SF3A1: variants seen among roughly 807,000 people sequenced by gnomAD.
SF3A1 encodes SAP 114.
Under a neutral mutation model 89.9 loss-of-function variants are expected in SF3A1, and 13 were observed. The observed-to-expected ratio is 0.14, with a 90% CI of 0.09 to 0.23. The LOEUF (loss-of-function observed/expected upper bound fraction) is 0.23, where lower values mean the gene tolerates loss of function less well. Ranked by LOEUF, SF3A1 falls within the 10% of genes least tolerant of loss-of-function variation. SF3A1 has a pLI of 1.00. For synonymous variants in SF3A1, 405 were observed against 374.4 expected (o/e 1.08, Z -0.94); for missense variants, 604 against 1,022.1 (o/e 0.59, Z 5.58).
Position 30,356,846 on chromosome 22 carries a change from C to CT in SF3A1, c.-55dup. On this transcript the variant is annotated 5_prime_UTR_variant, in exon 1 of 16. Transcript: ENST00000215793. ...CCTCGGTGTCGGTGAGCGGTGCCGC[C>CT]TCAAGACAGCCTCCCCGCTCGGTCA... 1 of 1,272,274 alleles carries CT rather than the reference C, an allele frequency of 7.9e-7. No individual in the cohort carries two copies. The highest frequency in any genetic ancestry group is 1.0e-6 in the Non-Finnish European group (1 of 998,954). 78.8% of individuals were successfully genotyped at this position (1,272,274 alleles called of 1,614,324 possible).
At chr22:30,350,183 G>A (rs1601699737) in intron 2 of SF3A1, among the ~76,000 whole-genome samples, 1 of 152,002 alleles carries the variant, frequency 6.6e-6, no homozygotes, top group Non-Finnish European at 1.5e-5. Flanking sequence ...CAGGCCAGGT[G>A]CGGTGGTCAC....
At chr22:30,350,212 C>T (rs1931544305) in intron 2 of SF3A1, among the ~76,000 whole-genome samples, 1 of 151,650 alleles carries the variant, frequency 6.6e-6, no homozygotes, top group South Asian at 2.1e-4. Flanking sequence ...ATCCCAGCCA[C>T]CTTGTGGTGG....
chr22:30,337,949 G>T, intron 11 of SF3A1, 52 bp from the exon 12 acceptor site: 1 of 1,346,950 alleles, frequency 7.4e-7, no homozygotes, highest in Non-Finnish European at 1.0e-6. Context: ...TGGACTCCAA[G>T]GTCACACACA....
In SF3A1 at chr22:30,345,080, C is replaced by T. The variant is rs1263698611; in HGVS notation, c.504G>A (p.Lys168=). 2 of 1,614,236 alleles carry T rather than the reference C, an allele frequency of 1.2e-6. No individual in the cohort carries two copies. The highest frequency in any genetic ancestry group is 1.7e-6 in the Non-Finnish European group (2 of 1,180,052). ...SISAFDLDVV[K]LTAQFVARNG... ...TCCTGGCCACAAACTGAGCCGTCAG[C>T]TTCACCACATCCAAGTCGAAGGCTG... is the stretch of plus-strand genomic sequence containing the variant. Residue 168 remains lysine (K), a synonymous_variant, in exon 4 of 16, where the codon AAG becomes AAA. Transcript: ENST00000215793.
intron 1 of SF3A1, 135 bp downstream of exon 1, chr22:30,356,595 C>T (rs951659397): frequency 9.2e-6 from 6 of 648,994 alleles, no homozygotes; most frequent in Non-Finnish European, 1.1e-5. Context: ...ACCACCATAG[C>T]GCGGGAAGCG....
Position 30,340,383 on chromosome 22 carries a change from T to C in SF3A1, c.1190-2A>G. 1 of 1,611,128 alleles carries C rather than the reference T, an allele frequency of 6.2e-7. No homozygotes were observed. The highest frequency in any genetic ancestry group is 8.5e-7 in the Non-Finnish European group (1 of 1,179,272). ...GGGCTGGAGGCAAGGGCTTGGAGGC[T>C]AAAAGGAAACAGATGTTTCAGTAAG... On this transcript the variant is annotated splice_acceptor_variant, in intron 8 of 15. Transcript: ENST00000215793. LOFTEE classifies it high-confidence loss of function.
intron 1 of SF3A1, among the ~76,000 whole-genome samples, chr22:30,353,275 C>A (rs1931656189): frequency 6.6e-6 from 1 of 152,214 alleles, no homozygotes; most frequent in African/African-American, 2.4e-5. Flanking sequence ...GGGAGAAGAG[C>A]AGCTTCCCTG....
Position 30,341,904 on chromosome 22 carries a change from G to A in SF3A1, c.878-19C>T. On this transcript the variant is annotated intron_variant, in intron 6 of 15. Coordinates refer to ENST00000215793, the MANE Select transcript of SF3A1 (RefSeq NM_005877.6). The stretch of plus-strand genomic sequence containing the variant: ...AAGTTCCCTAGAGGGTGAGCCAGAG[G>A]CAAAGGTATTCCTTATCAAAGACCC... 1 of 1,606,294 alleles carries A rather than the reference G, an allele frequency of 6.2e-7. No homozygotes were observed. The highest frequency in any genetic ancestry group is 1.3e-5 in the African/African-American group (1 of 74,976).
intron 7 of SF3A1, 34 bp downstream of exon 7, chr22:30,341,658 A>C (rs747848886): frequency 6.3e-7 from 1 of 1,590,828 alleles, no homozygotes; most frequent in South Asian, 1.1e-5. Flanking sequence ...CTTCAGGGGA[A>C]AAGGTCATCC....
intron 8 of SF3A1, 64 bp downstream of exon 8, chr22:30,340,631 G>T: frequency 1.9e-6 from 2 of 1,031,098 alleles, no homozygotes; most frequent in Non-Finnish European, 1.5e-6. Flanking sequence ...CGGGTGTGAG[G>T]AACACATGAG....
chr22:30,337,208 T>A, intron 12 of SF3A1, 28 bp from the exon 13 acceptor site: 2 of 1,584,260 alleles, frequency 1.3e-6, no homozygotes, highest in Non-Finnish European at 1.7e-6. Context: ...AGCAGCCCCA[T>A]GAGAGGGCAG....
chr22:30,352,038 T>C (rs11912350), intron 2 of SF3A1, among the ~76,000 whole-genome samples: 30,407 of 147,494 alleles, frequency 0.21, 3,252 homozygotes, highest in Middle Eastern at 0.36. Context: ...CCATCTGAGG[T>C]GGCGGCTAGC....
Position 30,355,867 on chromosome 22 carries a change from G to A in SF3A1, c.63+863C>T, listed in dbSNP as rs535438080. 8.6e-5 allele frequency among the ~76,000 whole-genome samples: 11 copies of A among 127,756 alleles called. No individual in the cohort carries two copies. In the East Asian group the frequency reaches 9.1e-4, roughly 11 times the overall value. The allele number at this position is 127,756 out of a possible 152,430, so 83.8% of individuals were successfully genotyped here. A position where few individuals can be genotyped will look rare whatever the true frequency, so the allele number is the denominator to read the frequency against. Reference sequence around the variant, plus strand: ...ACCCAAAGCAATGATCAGCGTATGTGTTCAATAAATATTTGCTGGATGAAT... The same window carrying A: ...ACCCAAAGCAATGATCAGCGTATGTATTCAATAAATATTTGCTGGATGAAT... On this transcript the variant is annotated intron_variant, in intron 1 of 15. Transcript: ENST00000215793.
Position 30,349,845 on chromosome 22 carries a change from A to G in SF3A1, c.185+3106T>C, listed in dbSNP as rs1931534385. Among the ~76,000 whole-genome samples the G allele has an allele frequency of 4.0e-5, 6 of 151,588 alleles. No homozygotes were observed. In the South Asian group the frequency reaches 1.2e-3, roughly 32 times the overall value. ...TTTTTGTAGAGACAGGGGTCTCACT[A>G]TATTGCCTACACTGGTGTCCAAGTC... On this transcript the variant is annotated intron_variant, in intron 2 of 15. Coordinates refer to ENST00000215793, the MANE Select transcript of SF3A1 (RefSeq NM_005877.6).
chr22:30,347,856 T>C (rs1055005939), intron 2 of SF3A1, among the ~76,000 whole-genome samples: 1 of 152,134 alleles, frequency 6.6e-6, no homozygotes, highest in Non-Finnish European at 1.5e-5. Context: ...GTGTTTTTGT[T>C]TTATAGACAG....
intron 5 of SF3A1, 131 bp from the exon 6 acceptor site, chr22:30,342,481 G>A: frequency 9.4e-7 from 1 of 1,058,396 alleles, no homozygotes; most frequent in Non-Finnish European, 1.3e-6. Context: ...TCCAAACTAT[G>A]GCATTTGCAC....
chr22:30,335,632 G>A lies in SF3A1; in HGVS notation c.2208+20C>T. On this transcript the variant is annotated intron_variant, in intron 14 of 15. Coordinates refer to ENST00000215793, the MANE Select transcript of SF3A1 (RefSeq NM_005877.6). ...CTTGGTTCCCATGCACCTGATGCCA[G>A]TTTCTGGCAGTACCCATACCTGGTC... The A allele has an allele frequency of 1.2e-6, 2 of 1,613,250 alleles. No homozygotes were observed. Among genetic ancestry groups the A allele is most frequent in the East Asian group, 2.2e-5 (1 of 44,876 alleles).
chr22:30,337,517 C>T (rs1479674481), intron 12 of SF3A1, among the ~76,000 whole-genome samples, 173 bp downstream of exon 12: 1 of 152,204 alleles, frequency 6.6e-6, no homozygotes, highest in Non-Finnish European at 1.5e-5. Flanking sequence ...CTACCAGGAA[C>T]GGTGGCTCCC....
At chr22:30,340,146 T>C (rs1444565668) in intron 9 of SF3A1, 50 bp downstream of exon 9, 4 of 1,395,778 alleles carry the variant, frequency 2.9e-6, no homozygotes, top group East Asian at 2.7e-5. Context: ...TAGAAGAAGA[T>C]GGCTGTAATT....
Sources: gnomAD v4.1 joint callset for allele counts (sites outside exome capture counted in the v4.1 genomes callset) on GRCh38, gnomAD v4.1.1 for gene constraint, MANE v1.5 for transcripts, NCBI Gene and HGNC (gene_info 2026-07-23, HGNC 2026-07-21) for gene names.